RBFOX2: variants seen among roughly 807,000 people sequenced by gnomAD.
RBFOX2 encodes RNA binding fox-1 homolog 2, also known as RNA binding protein fox-1 homolog 2.
RBFOX2 carries 10 observed loss-of-function variants against 49.1 expected under a neutral mutation model. The ratio of observed to expected loss-of-function variants is 0.20; its 90% CI spans 0.13 to 0.35. RBFOX2 has a LOEUF of 0.35. Among genes scored for constraint, RBFOX2 ranks in the 10% least tolerant of loss-of-function variants. The pLI, the probability that RBFOX2 is intolerant of heterozygous loss-of-function variation, is 1.00. For synonymous variants in RBFOX2, 183 were observed against 187.4 expected, an observed-to-expected ratio of 0.98 and a Z score of 0.19; for missense variants, 323 against 486.9, an observed-to-expected ratio of 0.66 and a Z score of 3.17.
At chr22:35,831,061 A>C (rs9622292) in intron 1 of RBFOX2, among the ~76,000 whole-genome samples, 6,554 of 152,268 alleles carry the variant, frequency 0.043, 479 homozygotes, top group African/African-American at 0.15. Flanking sequence ...CCTCTGAGTC[A>C]GGGATCAGCA....
chr22:35,744,907 T>C (rs992435489), intron 11 of RBFOX2, among the ~76,000 whole-genome samples: 1 of 152,214 alleles, frequency 6.6e-6, no homozygotes, highest in African/African-American at 2.4e-5. Flanking sequence ...CAATTAGAAG[T>C]TTCCCAGGAA....
intron 1 of RBFOX2, among the ~76,000 whole-genome samples, chr22:36,012,999 C>T (rs111386313): frequency 0.019 from 2,928 of 152,182 alleles, 79 homozygotes; most frequent in African/African-American, 0.063. Flanking sequence ...CTCCTGACCT[C>T]GTGATTCGCC....
At chr22:35,977,928 C>T (rs968907756) in intron 1 of RBFOX2, among the ~76,000 whole-genome samples, 9 of 151,174 alleles carry the variant, frequency 6.0e-5, no homozygotes, top group Admixed American at 5.9e-4. Flanking sequence ...GGCCCAGAGG[C>T]CAAAGATAAG....
At chr22:35,927,946 T>C (rs951634379) in intron 1 of RBFOX2, among the ~76,000 whole-genome samples, 1 of 151,972 alleles carries the variant, frequency 6.6e-6, no homozygotes, top group South Asian at 2.1e-4. Flanking sequence ...AATGAGAAAA[T>C]AGACTTAAAT....
At chr22:35,773,675 T>C (rs898802577) in intron 4 of RBFOX2, among the ~76,000 whole-genome samples, 9 of 152,096 alleles carry the variant, frequency 5.9e-5, no homozygotes, top group African/African-American at 2.2e-4. Flanking sequence ...GCTGAACAAC[T>C]TCAGCATATT....
chr22:35,944,854 T>A (rs1224519920), intron 1 of RBFOX2, among the ~76,000 whole-genome samples: 4 of 151,832 alleles, frequency 2.6e-5, no homozygotes, highest in South Asian at 2.1e-4. Context: ...GGTGGGAGGA[T>A]CATTTGAGGT....
intron 1 of RBFOX2, among the ~76,000 whole-genome samples, chr22:35,917,063 T>C (rs572419606): frequency 4.4e-4 from 67 of 152,304 alleles, no homozygotes; most frequent in South Asian, 2.1e-3. Flanking sequence ...CATTCCTGCA[T>C]CTTACCCATC....
rs367675107 is a variant in RBFOX2, at chr22:35,907,851, C to A, written c.-34+30996G>T. Among the ~76,000 whole-genome samples, 4 of 151,956 alleles carry A rather than the reference C, an allele frequency of 2.6e-5. No homozygotes were observed. The South Asian group carries it at 6.2e-4, about 24-fold the overall frequency. On this transcript the variant is annotated intron_variant, in intron 1 of 13. Transcript: ENST00000359369. Reference sequence around the variant, plus strand: ...TAGTGGAGACGGGTTTTTGTCACATCGGCCAGACTGATCTCGAACTTCTGA... The same window carrying A: ...TAGTGGAGACGGGTTTTTGTCACATAGGCCAGACTGATCTCGAACTTCTGA...
In RBFOX2 at chr22:35,749,521, GCA is replaced by G. The variant is rs761805368; in HGVS notation, c.888-2962_888-2961del. 2.0e-5 allele frequency among the ~76,000 whole-genome samples: 3 copies of G among 148,544 alleles called. No individual in the cohort carries two copies. The highest frequency in any genetic ancestry group is 2.1e-4 in the South Asian group (1 of 4,722). ...CTCTCTCTCTCTTACACACACACACGCACACACACACATACACTTACTCGAAA... is the reference window on the plus strand; with the variant it reads ...CTCTCTCTCTCTTACACACACACACGCACACACACATACACTTACTCGAAA... On this transcript the variant is annotated intron_variant, in intron 9 of 11. Coordinates refer to ENST00000405409, the Ensembl canonical transcript of RBFOX2. The surrounding 1 kb of genome is among the most constrained non-coding windows in gnomAD (Gnocchi z 4.1).
At chr22:35,871,991 G>A (rs1295771493) in intron 1 of RBFOX2, among the ~76,000 whole-genome samples, 3 of 152,168 alleles carry the variant, frequency 2.0e-5, no homozygotes, top group African/African-American at 7.2e-5. Flanking sequence ...GCAGGGCAAG[G>A]GTAGGCAAAG....
At chr22:36,000,459 A>C (rs1423304623) in intron 1 of RBFOX2, 1 of 152,252 alleles carries the variant, frequency 6.6e-6, no homozygotes, top group Non-Finnish European at 1.5e-5. Context: ...ACATATGTGC[A>C]ACATGAATAA....
intron 1 of RBFOX2, among the ~76,000 whole-genome samples, chr22:35,974,568 T>C (rs1279570890): frequency 6.6e-6 from 1 of 152,064 alleles, no homozygotes; most frequent in African/African-American, 2.4e-5. Flanking sequence ...ACATCTGTAA[T>C]CCCAGCTACT....
At chr22:35,983,800 T>G (rs1311928010) in intron 1 of RBFOX2, among the ~76,000 whole-genome samples, 1 of 152,176 alleles carries the variant, frequency 6.6e-6, no homozygotes, top group Non-Finnish European at 1.5e-5. Context: ...ACCATTTTAC[T>G]TCAAGTACAA....
At chr22:36,011,105 G>A (rs2058805342) in intron 1 of RBFOX2, among the ~76,000 whole-genome samples, 1 of 152,194 alleles carries the variant, frequency 6.6e-6, no homozygotes, top group Non-Finnish European at 1.5e-5. Context: ...TCACACTGCA[G>A]TTAGATTCCA....
At chr22:35,801,367 T>C (rs1182912899) in intron 2 of RBFOX2, among the ~76,000 whole-genome samples, 6 of 152,048 alleles carry the variant, frequency 3.9e-5, no homozygotes, top group Non-Finnish European at 7.4e-5. Flanking sequence ...AACCTAAATA[T>C]TGTCAAATCT....
At chr22:35,890,115 T>G (rs1382061170) in intron 1 of RBFOX2, among the ~76,000 whole-genome samples, 1 of 152,216 alleles carries the variant, frequency 6.6e-6, no homozygotes, top group African/African-American at 2.4e-5. Context: ...TTTTCTAAGA[T>G]TATTCCATGA....
intron 1 of RBFOX2, among the ~76,000 whole-genome samples, chr22:35,863,006 A>G (rs1404005819): frequency 6.6e-6 from 1 of 152,188 alleles, no homozygotes; most frequent in Non-Finnish European, 1.5e-5. Context: ...AGCTAAATCT[A>G]TATCTGAGGA....
intron 1 of RBFOX2, among the ~76,000 whole-genome samples, chr22:35,923,575 C>T (rs538218590): frequency 6.6e-6 from 1 of 152,058 alleles, no homozygotes; most frequent in Non-Finnish European, 1.5e-5. Flanking sequence ...TTCCATTTGC[C>T]TTTTTAATAA....
chr22:35,846,592 CAA>C (rs549635667), intron 1 of RBFOX2, among the ~76,000 whole-genome samples: 1 of 140,112 alleles, frequency 7.1e-6, no homozygotes. Flanking sequence ...ATTAAAAATA[CAA>C]AAAAAAAAAA....
Sources: gnomAD v4.1 joint callset for allele counts (sites outside exome capture counted in the v4.1 genomes callset) on GRCh38, gnomAD v4.1.1 for gene constraint, Gnocchi (gnomAD v3.1) non-coding constraint, MANE v1.5 for transcripts, NCBI Gene and HGNC (gene_info 2026-07-23, HGNC 2026-07-21) for gene names.